Variants in APBB2 observed in about 807,000 individuals in gnomAD.
APBB2 encodes the protein amyloid beta precursor protein binding family B member 2.
Under a neutral mutation model 82.5 loss-of-function variants are expected in APBB2, and 38 were observed. The ratio of observed to expected loss-of-function variants is 0.46; its 90% confidence interval spans 0.36 to 0.60. The LOEUF is 0.60. Ranked by LOEUF, APBB2 falls within the 20% of genes least tolerant of loss-of-function variation. The probability of loss-of-function intolerance (pLI) is 0.00; values close to 1 mark genes in which losing one functional copy is unlikely to be tolerated. For synonymous variants in APBB2, 341 were observed against 368.2 expected (o/e 0.93, Z 0.85); for missense variants, 772 against 972.3 (o/e 0.79, Z 2.74).
chr4:40,881,056 A>G, intron 12 of APBB2: 1 of 985,408 alleles, frequency 1.0e-6, no homozygotes, highest in African/African-American at 1.7e-5. Context: ...AAAGTATTGC[A>G]AGCATCCCAT....
At chr4:40,863,671 T>A (rs1210495738) in intron 12 of APBB2, among the ~76,000 whole-genome samples, 1 of 151,826 alleles carries the variant, frequency 6.6e-6, no homozygotes. Context: ...TGTGGACAGA[T>A]CATTTGAGGT....
At chr4:40,957,488 T>TA (rs575016070) in intron 6 of APBB2, among the ~76,000 whole-genome samples, 29 of 152,324 alleles carry the variant, frequency 1.9e-4, no homozygotes, top group African/African-American at 6.7e-4. Flanking sequence ...GTTGAGCCCT[T>TA]AAAGAAACAG....
At chr4:41,199,746 T>C (rs1341066336) in intron 1 of APBB2, among the ~76,000 whole-genome samples, 1 of 152,232 alleles carries the variant, frequency 6.6e-6, no homozygotes, top group Admixed American at 6.5e-5. Context: ...TACATAATTA[T>C]TCAAGTAAAA....
intron 12 of APBB2, among the ~76,000 whole-genome samples, chr4:40,839,956 CG>C (rs1414676411): frequency 3.6e-4 from 55 of 152,302 alleles, no homozygotes; most frequent in African/African-American, 1.3e-3. Flanking sequence ...TGAGCCATTG[CG>C]CCTGGCCCCA....
chr4:41,136,534 CAT>C (rs1226742427), intron 2 of APBB2, among the ~76,000 whole-genome samples: 3 of 152,134 alleles, frequency 2.0e-5, no homozygotes, highest in Non-Finnish European at 2.9e-5. Context: ...AGGTAACACA[CAT>C]GTCAGTTGCC....
At chr4:40,839,109 A>G (rs573546654) in intron 12 of APBB2, among the ~76,000 whole-genome samples, 18 of 151,672 alleles carry the variant, frequency 1.2e-4, no homozygotes, top group Non-Finnish European at 2.5e-4. Context: ...ACAGGGTCTC[A>G]CTCTGTCGGC....
chr4:41,149,549 C>T (rs1761690366), intron 1 of APBB2, among the ~76,000 whole-genome samples: 1 of 152,050 alleles, frequency 6.6e-6, no homozygotes, highest in East Asian at 1.9e-4. Flanking sequence ...ATCTGAAAAT[C>T]CATGCACTCA....
At chr4:41,072,506 A>G (rs559432348) in intron 3 of APBB2, among the ~76,000 whole-genome samples, 1 of 151,554 alleles carries the variant, frequency 6.6e-6, no homozygotes, top group Admixed American at 6.6e-5. Context: ...AAAATAATGA[A>G]GTGTAAGAGA....
chr4:40,854,798 A>G (rs1421028507), intron 12 of APBB2, among the ~76,000 whole-genome samples: 1 of 150,820 alleles, frequency 6.6e-6, no homozygotes, highest in South Asian at 2.1e-4. Flanking sequence ...TCCAAAAAAA[A>G]AAAAAAAAAA....
intron 6 of APBB2, among the ~76,000 whole-genome samples, chr4:40,996,293 A>G (rs1208655736): frequency 6.6e-6 from 1 of 152,212 alleles, no homozygotes; most frequent in Non-Finnish European, 1.5e-5. Context: ...AACCATTATA[A>G]GTATTTCACT....
intron 1 of APBB2, among the ~76,000 whole-genome samples, chr4:41,204,679 G>A (rs1391488804): frequency 1.3e-5 from 2 of 152,190 alleles, no homozygotes; most frequent in Non-Finnish European, 2.9e-5. Context: ...AGCAGGTAGA[G>A]GCAGTGGCCA....
At chr4:40,827,680 G>A (rs545334350) in intron 13 of APBB2, among the ~76,000 whole-genome samples, 4 of 152,310 alleles carry the variant, frequency 2.6e-5, no homozygotes, top group Admixed American at 6.5e-5. Context: ...TTGGGCAAGT[G>A]ACCTGATCTC....
At chr4:41,031,249 A>T (rs903706620) in intron 5 of APBB2, among the ~76,000 whole-genome samples, 1 of 152,142 alleles carries the variant, frequency 6.6e-6, no homozygotes, top group Admixed American at 6.6e-5. Context: ...TAAATAAATA[A>T]ATAAATAAAT....
At chr4:40,910,959 A>T (rs796907332) in intron 10 of APBB2, among the ~76,000 whole-genome samples, 2 of 152,262 alleles carry the variant, frequency 1.3e-5, no homozygotes, top group Non-Finnish European at 2.9e-5. Context: ...GAATAATAGT[A>T]AAATTGTACA....
At chr4:40,937,351 C>A (rs943159181) in intron 7 of APBB2, among the ~76,000 whole-genome samples, 2 of 152,118 alleles carry the variant, frequency 1.3e-5, no homozygotes, top group African/African-American at 4.8e-5. Context: ...GTCTTCAGTA[C>A]CTAATTAAAA....
At chr4:40,988,464 T>C (rs1170369836) in intron 6 of APBB2, among the ~76,000 whole-genome samples, 1 of 151,720 alleles carries the variant, frequency 6.6e-6, no homozygotes, top group African/African-American at 2.4e-5. Flanking sequence ...GGTGAAACCT[T>C]GTCTTTACTA....
intron 10 of APBB2, among the ~76,000 whole-genome samples, chr4:40,907,381 T>TATATATA (rs1777277344): frequency 3.1e-5 from 1 of 32,392 alleles, no homozygotes; most frequent in African/African-American, 1.3e-4. Context: ...ATATATATAT[T>TATATATA]TTTTTTTTTT....
chr4:40,824,150 T>C (rs1749037437), intron 15 of APBB2, among the ~76,000 whole-genome samples: 3 of 151,904 alleles, frequency 2.0e-5, no homozygotes, highest in Admixed American at 2.0e-4. Flanking sequence ...TGAGACTCTG[T>C]CTCAAAAAAC....
chr4:41,101,163 G>A (rs1478106068), intron 2 of APBB2, among the ~76,000 whole-genome samples: 1 of 152,216 alleles, frequency 6.6e-6, no homozygotes, highest in Non-Finnish European at 1.5e-5. Context: ...CACAGAAGTA[G>A]TTGTAAATAG....
Sources: allele counts gnomAD v4.1 joint callset (sites outside exome capture counted in the v4.1 genomes callset), GRCh38; gene constraint gnomAD v4.1.1; transcripts MANE v1.5; gene names NCBI Gene and HGNC (gene_info 2026-07-23, HGNC 2026-07-21).